The following KCTD16 variants were observed in gnomAD, a reference collection of about 807,000 sequenced individuals.
KCTD16 encodes the protein BTB/POZ domain-containing protein KCTD16.
Under a neutral mutation model 33.2 loss-of-function variants are expected in KCTD16, and 13 were observed. The ratio of observed to expected loss-of-function variants is 0.39; its 90% CI spans 0.25 to 0.62. KCTD16 has a LOEUF of 0.62. KCTD16 is among the 20% of genes least tolerant of loss of function. KCTD16 has a pLI of 0.50. For synonymous variants in KCTD16, 197 were observed against 195.3 expected (o/e 1.01, Z -0.07); for missense variants, 441 against 525.1 (o/e 0.84, Z 1.57).
At position 144,344,236 on chromosome 5, in the gene KCTD16, T is replaced by C. The variant is rs991271167; in HGVS notation, c.833-129424T>C. Among the ~76,000 whole-genome samples the C allele has an allele frequency of 7.2e-5, 11 of 152,242 alleles. No homozygotes were observed. The East Asian group carries it at 1.9e-3, about 27-fold the overall frequency. ...AGATGGATTAAAGACTTAAACGTTA[T>C]ACCTAAAACCGTAACAATCCTAGAA... On this transcript the variant is annotated intron_variant, in intron 3 of 3. Coordinates refer to ENST00000512467, the MANE Select transcript of KCTD16 (RefSeq NM_020768.4).
At chr5:144,456,787 A>G (rs1323483497) in intron 3 of KCTD16, among the ~76,000 whole-genome samples, 1 of 151,788 alleles carries the variant, frequency 6.6e-6, no homozygotes, top group Non-Finnish European at 1.5e-5. Flanking sequence ...GGGTGTAAAA[A>G]CAAGCAAACA....
At chr5:144,281,437 T>A (rs1755607025) in intron 3 of KCTD16, among the ~76,000 whole-genome samples, 1 of 152,254 alleles carries the variant, frequency 6.6e-6, no homozygotes, top group Non-Finnish European at 1.5e-5. Flanking sequence ...TTCTTCCAGA[T>A]TTTTCTTTGG....
chr5:144,200,814 T>C (rs1324567673), intron 2 of KCTD16, among the ~76,000 whole-genome samples: 1 of 152,172 alleles, frequency 6.6e-6, no homozygotes, highest in African/African-American at 2.4e-5. Flanking sequence ...CATAGCTCAT[T>C]GCACCCTTAA....
At position 144,354,952 on chromosome 5, in the gene KCTD16, A is replaced by G. The variant is rs375353616; in HGVS notation, c.833-118708A>G. ...TAATAATAGCTAACATTTATGGAGAACTTGATATGTGTTAGACCCTTTACT... is the reference window on the plus strand; with the variant it reads ...TAATAATAGCTAACATTTATGGAGAGCTTGATATGTGTTAGACCCTTTACT... On this transcript the variant is annotated intron_variant, in intron 3 of 3. Transcript: ENST00000512467. Among the ~76,000 whole-genome samples the G allele has an allele frequency of 7.9e-5, 12 of 152,164 alleles. No homozygotes were observed. In the East Asian group the frequency reaches 2.3e-3, roughly 29 times the overall value.
At chr5:144,276,458 G>A (rs1278971870) in intron 3 of KCTD16, among the ~76,000 whole-genome samples, 1 of 152,030 alleles carries the variant, frequency 6.6e-6, no homozygotes, top group Non-Finnish European at 1.5e-5. Flanking sequence ...TTCATATTAG[G>A]GTAAAATCTT....
At chr5:144,259,375 T>C (rs1172830436) in intron 3 of KCTD16, among the ~76,000 whole-genome samples, 1 of 151,882 alleles carries the variant, frequency 6.6e-6, no homozygotes, top group African/African-American at 2.4e-5. Flanking sequence ...ATTGAAATGT[T>C]CTTCTAAACA....
At chr5:144,358,514 G>A (rs560804132) in intron 3 of KCTD16, among the ~76,000 whole-genome samples, 1 of 152,198 alleles carries the variant, frequency 6.6e-6, no homozygotes, top group East Asian at 1.9e-4. Context: ...GTTAACATTC[G>A]AGGCCTTTTG....
intron 2 of KCTD16, chr5:144,205,153 C>T (rs895935226): frequency 1.1e-5 from 2 of 186,900 alleles, no homozygotes; most frequent in Admixed American, 6.2e-5. Flanking sequence ...CTCCAGACTC[C>T]AGGACAGGAC....
chr5:144,268,964 G>A (rs988689022), intron 3 of KCTD16, among the ~76,000 whole-genome samples: 14 of 152,160 alleles, frequency 9.2e-5, no homozygotes, highest in African/African-American at 3.1e-4. Flanking sequence ...TTCACTGGAG[G>A]GTTTCAAAGG....
At chr5:144,434,139 G>A (rs1320991329) in intron 3 of KCTD16, among the ~76,000 whole-genome samples, 1 of 152,100 alleles carries the variant, frequency 6.6e-6, no homozygotes, top group Non-Finnish European at 1.5e-5. Context: ...TTACTCACCT[G>A]TTACAGTCAG....
intron 3 of KCTD16, among the ~76,000 whole-genome samples, chr5:144,455,632 T>A (rs1298666734): frequency 6.6e-6 from 1 of 152,094 alleles, no homozygotes; most frequent in Non-Finnish European, 1.5e-5. Context: ...GAAGGATGGG[T>A]TGACTGTGAT....
At chr5:144,254,701 A>G (rs1754798950) in intron 3 of KCTD16, among the ~76,000 whole-genome samples, 1 of 152,142 alleles carries the variant, frequency 6.6e-6, no homozygotes, top group South Asian at 2.1e-4. Context: ...GGCAACTGCC[A>G]TTCCACTCCT....
intron 3 of KCTD16, among the ~76,000 whole-genome samples, chr5:144,264,045 T>TG (rs1217147507): frequency 6.6e-6 from 1 of 152,196 alleles, no homozygotes; most frequent in Non-Finnish European, 1.5e-5. Flanking sequence ...ACCATCACAC[T>TG]GGGGGTTAAA....
At chr5:144,257,284 T>C (rs1256865834) in intron 3 of KCTD16, among the ~76,000 whole-genome samples, 2 of 152,190 alleles carry the variant, frequency 1.3e-5, no homozygotes, top group South Asian at 2.1e-4. Flanking sequence ...TTCACATAAG[T>C]GTAAGAGAAA....
chr5:144,281,136 C>T (rs1189950891), intron 3 of KCTD16, among the ~76,000 whole-genome samples: 1 of 152,216 alleles, frequency 6.6e-6, no homozygotes, highest in Non-Finnish European at 1.5e-5. Flanking sequence ...GAGCCCAGAT[C>T]GCGCCACTGT....
At chr5:144,439,376 C>A in intron 3 of KCTD16, 1 of 515,890 alleles carries the variant, frequency 1.9e-6, no homozygotes, top group Non-Finnish European at 3.8e-6. Context: ...GGAATCTTGG[C>A]ATTCAGCAGA....
intron 3 of KCTD16, among the ~76,000 whole-genome samples, chr5:144,385,995 G>T (rs1752315669): frequency 6.6e-6 from 1 of 152,062 alleles, no homozygotes; most frequent in Non-Finnish European, 1.5e-5. Flanking sequence ...AGTAATCATT[G>T]CTTGGGATTT....
At chr5:144,417,790 C>T (rs895318436) in intron 3 of KCTD16, among the ~76,000 whole-genome samples, 1 of 152,052 alleles carries the variant, frequency 6.6e-6, no homozygotes, top group Non-Finnish European at 1.5e-5. Context: ...TAAAGTAGGG[C>T]TCCAACTTCG....
chr5:144,202,452 C>T (rs1002505159), intron 2 of KCTD16, among the ~76,000 whole-genome samples: 1 of 152,122 alleles, frequency 6.6e-6, no homozygotes, highest in Non-Finnish European at 1.5e-5. Flanking sequence ...ACCTCTCATT[C>T]GTTTTCATCC....
Sources: allele counts gnomAD v4.1 joint callset (sites outside exome capture counted in the v4.1 genomes callset), GRCh38; gene constraint gnomAD v4.1.1; transcripts MANE v1.5; gene names NCBI Gene and HGNC (gene_info 2026-07-23, HGNC 2026-07-21).